The following SPARCL1 variants were observed in gnomAD, a reference collection of about 807,000 sequenced individuals.
The protein encoded by SPARCL1 is SPARC like 1.
A neutral mutation model predicts 67.1 loss-of-function variants in SPARCL1; 52 were observed. The observed-to-expected ratio is 0.78, with a 90% CI of 0.62 to 0.98. SPARCL1 has a LOEUF of 0.98. Among genes scored for constraint, SPARCL1 ranks in the 50% least tolerant of loss-of-function variants. The pLI, the probability that SPARCL1 is intolerant of heterozygous loss-of-function variation, is 0.00. For missense variants in SPARCL1, 717 were observed against 782.4 expected, an observed-to-expected ratio of 0.92 and a Z score of 1.00; for synonymous variants, 226 against 267.8, an observed-to-expected ratio of 0.84 and a Z score of 1.52.
At chr4:87,501,494 T>A (rs890405009) in intron 1 of SPARCL1, among the ~76,000 whole-genome samples, 1 of 152,132 alleles carries the variant, frequency 6.6e-6, no homozygotes, top group African/African-American at 2.4e-5. Flanking sequence ...GATATAGAAT[T>A]CTAGATTGGA....
intron 1 of SPARCL1, among the ~76,000 whole-genome samples, chr4:87,507,567 G>A (rs1302293422): frequency 6.6e-6 from 1 of 152,116 alleles, no homozygotes; most frequent in African/African-American, 2.4e-5. Context: ...TGCTTTTCCT[G>A]TGGTCTCACA....
At chr4:87,525,474 C>T (rs769256781) in intron 1 of SPARCL1, among the ~76,000 whole-genome samples, 7 of 152,250 alleles carry the variant, frequency 4.6e-5, no homozygotes, top group African/African-American at 9.6e-5. Flanking sequence ...CATAGCACAT[C>T]GTGAAGATGG....
intron 1 of SPARCL1, among the ~76,000 whole-genome samples, chr4:87,507,398 G>A (rs1299098090): frequency 1.3e-5 from 2 of 152,154 alleles, no homozygotes; most frequent in African/African-American, 2.4e-5. Flanking sequence ...TCTAAATGTA[G>A]CTGAATGAAT....
intron 1 of SPARCL1, among the ~76,000 whole-genome samples, chr4:87,519,121 G>T (rs933518755): frequency 2.6e-5 from 4 of 151,434 alleles, no homozygotes; most frequent in Non-Finnish European, 5.9e-5. Flanking sequence ...GCCCAGGCTG[G>T]AGTACAGTGG....
rs71667858 is a variant in SPARCL1, at chr4:87,511,967, C to CTCT, written c.-11-12383_-11-12382insAGA. On this transcript the variant is annotated intron_variant, in intron 1 of 10. Transcript: ENST00000282470. ...TTCCTTTCCTTTCCTCTTTCTTTCTCTTTTTTTTTTTTTTTGAGACAGAGT... is the reference window on the plus strand; with the variant it reads ...TTCCTTTCCTTTCCTCTTTCTTTCTCTCTTTTTTTTTTTTTTTTGAGACAGAGT... 1.4e-3 allele frequency among the ~76,000 whole-genome samples: 172 copies of CTCT among 121,546 alleles called. 3 individuals carry two copies. Among genetic ancestry groups the CTCT allele is most frequent in the African/African-American group, 5.2e-3 (165 of 31,432 alleles). The allele number at this position is 121,546 out of a possible 152,430, so 79.7% of individuals were successfully genotyped here.
chr4:87,521,141 T>G (rs1245416359), intron 1 of SPARCL1, among the ~76,000 whole-genome samples: 1 of 152,236 alleles, frequency 6.6e-6, no homozygotes, highest in Non-Finnish European at 1.5e-5. Context: ...GAAGTAGATA[T>G]TTGTATTTGA....
In SPARCL1 at chr4:87,479,473, G is replaced by A. The variant is rs1362557753; in HGVS notation, c.1923C>T (p.His641=). ...AGTGGCCCCACTCCTTCAGGGTGATGTGCTTATCCTTGTTGGGGTCACACT... is the reference window on the plus strand; with the variant it reads ...AGTGGCCCCACTCCTTCAGGGTGATATGCTTATCCTTGTTGGGGTCACACT... ...FEECDPNKDK[H]ITLKEWGHCF... is the part of the protein sequence containing the mutation. The change falls in exon 10 of 11, where the codon CAC becomes CAT. Residue 641 remains histidine, a synonymous_variant. Coordinates refer to ENST00000282470, the MANE Select transcript of SPARCL1 (RefSeq NM_004684.6). The A allele has an allele frequency of 6.2e-7, 1 of 1,613,950 alleles. No individual in the cohort carries two copies. Among genetic ancestry groups the A allele is most frequent in the African/African-American group, 1.3e-5 (1 of 74,906 alleles).
intron 2 of SPARCL1, among the ~76,000 whole-genome samples, chr4:87,496,689 T>C (rs1177448745): frequency 6.6e-6 from 1 of 152,200 alleles, no homozygotes; most frequent in South Asian, 2.1e-4. Flanking sequence ...TAATATAAAC[T>C]GCCCAGTATC....
At chr4:87,481,919 A>G (rs1723838541) in intron 8 of SPARCL1, among the ~76,000 whole-genome samples, 1 of 152,168 alleles carries the variant, frequency 6.6e-6, no homozygotes, top group Non-Finnish European at 1.5e-5. Flanking sequence ...TCCAGTATTT[A>G]GGTCAATTTC....
chr4:87,499,607 A>C (rs1385105135), intron 1 of SPARCL1, 22 bp from the exon 2 acceptor site: 1 of 1,563,554 alleles, frequency 6.4e-7, no homozygotes, highest in African/African-American at 1.4e-5. Context: ...GAAGATAATT[A>C]TCAGTGGCAG....
At chr4:87,525,254 C>T (rs781074517) in intron 1 of SPARCL1, among the ~76,000 whole-genome samples, 12 of 152,138 alleles carry the variant, frequency 7.9e-5, no homozygotes, top group Non-Finnish European at 1.0e-4. Context: ...TAGCAGCCAA[C>T]CTTTACCATG....
chr4:87,500,511 GTAACTGGGA>G (rs1476040738), intron 1 of SPARCL1, among the ~76,000 whole-genome samples: 3 of 152,088 alleles, frequency 2.0e-5, no homozygotes, highest in Non-Finnish European at 4.4e-5. Context: ...AGTCTGACCT[GTAACTGGGA>G]TTAGGGCTGC....
intron 6 of SPARCL1, 94 bp from the exon 7 acceptor site, chr4:87,490,487 G>A (rs925683782): frequency 2.1e-6 from 3 of 1,408,974 alleles, no homozygotes; most frequent in East Asian, 4.6e-5. Context: ...TAACAGCGCT[G>A]TGCCAAAGAT....
chr4:87,498,879 A>T (rs1450162177), intron 2 of SPARCL1, among the ~76,000 whole-genome samples: 2 of 148,076 alleles, frequency 1.4e-5, no homozygotes, highest in East Asian at 4.0e-4. Flanking sequence ...CACCCTAAGT[A>T]TTTTTTTTTT....
chr4:87,487,169 T>C (rs772903339), intron 7 of SPARCL1, among the ~76,000 whole-genome samples: 5 of 152,086 alleles, frequency 3.3e-5, no homozygotes, highest in Non-Finnish European at 5.9e-5. Context: ...TATTAGTTGA[T>C]GCAGTTTCTT....
chr4:87,490,331 T>G lies in SPARCL1; in HGVS notation c.1473A>C (p.Arg491Ser), dbSNP rs1027712626. The change falls in exon 7 of 11, where the codon AGA (arginine) becomes AGC (serine). Residue 491 changes from arginine to serine, a missense_variant. Physicochemically the swap from Arg to Ser is moderately radical, Grantham distance 110. Transcript: ENST00000282470. ...GATGCCCCTTTTTGGTCCCCTCCAG[T>G]CTGCATTTAGTAGCGAATAGATGAC... Reference protein sequence around the residue: ...SSCHLFATKCRLEGTKKGHQL... With the variant: ...SSCHLFATKCSLEGTKKGHQL... 4 of 1,613,644 alleles carry G rather than the reference T, an allele frequency of 2.5e-6. No homozygotes were observed. Among genetic ancestry groups the G allele is most frequent in the Non-Finnish European group, 3.4e-6 (4 of 1,179,760 alleles).
intron 7 of SPARCL1, 31 bp downstream of exon 7, chr4:87,490,242 A>G (rs749688338): frequency 1.3e-6 from 2 of 1,588,242 alleles, no homozygotes; most frequent in Non-Finnish European, 1.7e-6. Context: ...CCTCTCAGAG[A>G]TGATGGTTGA....
At position 87,494,454 on chromosome 4, in the gene SPARCL1, T is replaced by C. The variant is rs1247720609; in HGVS notation, c.346A>G (p.Thr116Ala). 3.1e-6 allele frequency: 5 copies of C among 1,614,040 alleles called. No homozygotes were observed. Among genetic ancestry groups the C allele is most frequent in the African/African-American group, 1.3e-5 (1 of 74,924 alleles). Residue 116 changes from threonine (T) to alanine (A), a missense_variant, in exon 4 of 11, where the codon ACT (threonine) becomes GCT (alanine). Thr to Ala is a moderately conservative substitution (Grantham distance 58, BLOSUM62 0). Transcript: ENST00000282470. ...HLSVNLEYAP[T>A]EGTLDIKEDM... ...TCTTTTATGTCCAATGTACCTTCAG[T>C]TGGTGCATACTCCAAATTCACACTT...
At chr4:87,489,574 A>T (rs891565937) in intron 7 of SPARCL1, among the ~76,000 whole-genome samples, 2 of 152,212 alleles carry the variant, frequency 1.3e-5, no homozygotes, top group African/African-American at 4.8e-5. Flanking sequence ...TTTTGAGGCC[A>T]CTATCTCAAA....
Sources: allele counts gnomAD v4.1 joint callset (sites outside exome capture counted in the v4.1 genomes callset), GRCh38; gene constraint gnomAD v4.1.1; transcripts MANE v1.5; gene names NCBI Gene and HGNC (gene_info 2026-07-23, HGNC 2026-07-21).